Variants in AHCY observed in about 807,000 individuals in gnomAD.
The protein encoded by AHCY is adenosylhomocysteinase.
AHCY carries 24 observed loss-of-function variants against 45.4 expected under a neutral mutation model. That is an observed-to-expected ratio of 0.53 (90% CI 0.38 to 0.74). AHCY has a LOEUF of 0.74. Ranked by LOEUF, AHCY falls within the 30% of genes least tolerant of loss-of-function variation. AHCY has a pLI of 0.00. For missense variants in AHCY, 449 were observed against 594.1 expected (o/e 0.76, Z 2.54); for synonymous variants, 245 against 235.1 (o/e 1.04, Z -0.39).
At chr20:34,287,741 A>T (rs569782045) in intron 8 of AHCY, among the ~76,000 whole-genome samples, 2 of 152,252 alleles carry the variant, frequency 1.3e-5, no homozygotes, top group South Asian at 2.1e-4. Flanking sequence ...GGAGAAGGGC[A>T]TGTGTTCTGT....
At chr20:34,268,446 G>A in the AHCY span, among the ~76,000 whole-genome samples, 2 of 152,132 alleles carry the variant, frequency 1.3e-5, no homozygotes, top group Admixed American at 6.6e-5. Context: ...GGCCGGGCGC[G>A]GTGGCTCACG....
At chr20:34,232,065 A>G in the AHCY span, among the ~76,000 whole-genome samples, 42,813 of 152,154 alleles carry the variant, frequency 0.28, 6,627 homozygotes, top group Admixed American at 0.36. Context: ...CCTGAGTCCA[A>G]CAGGGACAAC....
chr20:34,280,736 G>T lies in AHCY; in HGVS notation c.*298C>A. On this transcript the variant is annotated 3_prime_UTR_variant, in exon 10 of 10. Transcript: ENST00000217426. ...ACATGGGCTTTGTGACTCCACTACTGACTTCCAGGCTAAGGAAGGACTGAC... is the reference window on the plus strand; with the variant it reads ...ACATGGGCTTTGTGACTCCACTACTTACTTCCAGGCTAAGGAAGGACTGAC... The T allele has an allele frequency of 2.2e-6, 1 of 453,366 alleles. No individual in the cohort carries two copies. Among genetic ancestry groups the T allele is most frequent in the Non-Finnish European group, 4.1e-6 (1 of 243,644 alleles). The allele number at this position is 453,366 out of a possible 1,614,324, so 28.1% of individuals were successfully genotyped here.
At chr20:34,275,649 ACT>A (rs374549955), downstream of AHCY, among the ~76,000 whole-genome samples, 133 of 148,974 alleles carry the variant, frequency 8.9e-4, no homozygotes, top group African/African-American at 3.1e-3. Context: ...GGAATGTGTC[ACT>A]CTCTCTCAAT....
the AHCY span, among the ~76,000 whole-genome samples, chr20:34,243,996 C>T: frequency 3.9e-5 from 6 of 152,122 alleles, no homozygotes; most frequent in Non-Finnish European, 5.9e-5. Flanking sequence ...ACCCGGGAAG[C>T]GGAGCTTGCA....
the AHCY span, chr20:34,260,393 C>T: frequency 6.2e-7 from 1 of 1,613,932 alleles, no homozygotes. Flanking sequence ...CACCCGCTTA[C>T]TCCTGGCCAC....
intron 1 of AHCY, among the ~76,000 whole-genome samples, chr20:34,310,823 T>A (rs1268140065): frequency 6.6e-6 from 1 of 152,094 alleles, no homozygotes; most frequent in African/African-American, 2.4e-5. Context: ...CGAGACCCTG[T>A]CCGTATTTTA....
the AHCY span, among the ~76,000 whole-genome samples, chr20:34,265,153 C>A: frequency 6.6e-6 from 1 of 152,116 alleles, no homozygotes; most frequent in Non-Finnish European, 1.5e-5. Flanking sequence ...AGATGTTAAT[C>A]CACAGTTTAT....
the AHCY span, among the ~76,000 whole-genome samples, chr20:34,267,797 C>T: frequency 2.6e-5 from 4 of 151,018 alleles, no homozygotes; most frequent in African/African-American, 9.7e-5. Context: ...TCCCAAAGTG[C>T]TGGGATTACA....
the AHCY span, chr20:34,269,426 C>A: frequency 5.1e-5 from 24 of 466,098 alleles, 1 homozygote; most frequent in Middle Eastern, 1.2e-3. Flanking sequence ...TCTCCCGGGG[C>A]TCAGGAAACC....
intron 2 of AHCY, 190 bp downstream of exon 2, chr20:34,295,205 A>C: frequency 1.3e-6 from 1 of 745,200 alleles, no homozygotes; most frequent in Middle Eastern, 2.6e-4. Flanking sequence ...CAGGGAGAAA[A>C]TCTGCAGAAC....
the AHCY span, among the ~76,000 whole-genome samples, chr20:34,242,213 T>C: frequency 6.6e-6 from 1 of 151,396 alleles, no homozygotes; most frequent in Non-Finnish European, 1.5e-5. Flanking sequence ...TTTTATTTTA[T>C]TATTTTTATT....
intron 1 of AHCY, among the ~76,000 whole-genome samples, chr20:34,297,102 G>C (rs2036598850): frequency 6.6e-6 from 1 of 151,888 alleles, no homozygotes; most frequent in African/African-American, 2.4e-5. Context: ...CAAGGCTGTG[G>C]CCTGTCAGGT....
At chr20:34,269,417 C>A in the AHCY span, 1 of 481,268 alleles carries the variant, frequency 2.1e-6, no homozygotes, top group East Asian at 3.7e-5. Context: ...CCGCGCTGCT[C>A]TCCCGGGGCT....
chr20:34,289,412 A>G (rs2036294941), intron 8 of AHCY, among the ~76,000 whole-genome samples: 1 of 145,928 alleles, frequency 6.9e-6, no homozygotes, highest in Non-Finnish European at 1.5e-5. Context: ...TGACCTCGTG[A>G]TCTGCCCACC....
In AHCY at chr20:34,280,873, AT is replaced by A; in HGVS notation, c.*160del. 1 of 1,088,898 alleles carries A rather than the reference AT, an allele frequency of 9.2e-7. No homozygotes were observed. The highest frequency in any genetic ancestry group is 1.3e-6 in the Non-Finnish European group (1 of 749,094). 67.5% of individuals were successfully genotyped at this position (1,088,898 alleles called of 1,614,324 possible). On this transcript the variant is annotated 3_prime_UTR_variant, in exon 10 of 10. Coordinates refer to ENST00000217426, the MANE Select transcript of AHCY (RefSeq NM_000687.4). ...TTCCCGCTGCCACATTTGGAACAGT[AT>A]GACGGCTGCAGCAGAGGCCAAAAAC...
the AHCY span, among the ~76,000 whole-genome samples, chr20:34,249,340 G>C: frequency 6.8e-6 from 1 of 146,704 alleles, no homozygotes; most frequent in African/African-American, 2.5e-5. Flanking sequence ...CCTCCACTGA[G>C]ATATCCGATG....
chr20:34,305,799 C>T (rs189221135), upstream of AHCY, among the ~76,000 whole-genome samples: 718 of 152,162 alleles, frequency 4.7e-3, 5 homozygotes, highest in African/African-American at 0.016. Flanking sequence ...TATGAATTTA[C>T]GGACCAGGCG....
the AHCY span, among the ~76,000 whole-genome samples, chr20:34,235,300 C>T: frequency 1.3e-5 from 2 of 152,118 alleles, no homozygotes; most frequent in Admixed American, 1.3e-4. Context: ...ATTAGCCAGG[C>T]GAGGTGGCAG....
Sources: allele counts gnomAD v4.1 joint callset (sites outside exome capture counted in the v4.1 genomes callset), GRCh38; gene constraint gnomAD v4.1.1; transcripts MANE v1.5; gene names NCBI Gene and HGNC (gene_info 2026-07-23, HGNC 2026-07-21).